GTF2IRD1: variants seen among roughly 807,000 people sequenced by gnomAD.
The protein encoded by GTF2IRD1 is GTF2I repeat domain containing 1, also known as general transcription factor II-I repeat domain-containing protein 1.
Under a neutral mutation model 113.2 loss-of-function variants are expected in GTF2IRD1, and 26 were observed. The observed-to-expected ratio is 0.23, with a 90% confidence interval of 0.17 to 0.32. The LOEUF is 0.32. GTF2IRD1 is among the 10% of genes least tolerant of loss of function. The probability of loss-of-function intolerance (pLI) is 1.00; values close to 1 mark genes in which losing one functional copy is unlikely to be tolerated. For missense variants in GTF2IRD1, 864 were observed against 1,280.8 expected (o/e 0.67, Z 4.97); for synonymous variants, 484 against 529.1 (o/e 0.91, Z 1.17).
Position 74,501,281 on chromosome 7 carries a change from G to C in GTF2IRD1, c.-6-6794G>C, listed in dbSNP as rs370472528. On this transcript the variant is annotated intron_variant, in intron 1 of 26. Coordinates refer to ENST00000424337, the MANE Select transcript of GTF2IRD1 (RefSeq NM_005685.4). ...GGAAGGGGCTTGAAGGCTGCGTTGT[G>C]GGGTGATGGGAACCCGGATTTAGTT... Among the ~76,000 whole-genome samples the C allele has an allele frequency of 3.3e-5, 5 of 152,322 alleles. No homozygotes were observed. In the South Asian group the frequency reaches 8.3e-4, roughly 25 times the overall value.
intron 9 of GTF2IRD1, among the ~76,000 whole-genome samples, chr7:74,534,461 G>T (rs1208624205): frequency 6.6e-6 from 1 of 152,188 alleles, no homozygotes; most frequent in Non-Finnish European, 1.5e-5. Context: ...AATTAGCTGG[G>T]TGTGGTTGCA....
chr7:74,518,379 G>A, intron 5 of GTF2IRD1, 57 bp downstream of exon 5: 1 of 1,423,086 alleles, frequency 7.0e-7, no homozygotes, highest in Non-Finnish European at 9.5e-7. Context: ...CCGGGTCAGG[G>A]CCGGGGGCTG....
chr7:74,560,529 T>TAAAATATTATATATAATTA (rs1307026388), intron 22 of GTF2IRD1, among the ~76,000 whole-genome samples: 1 of 146,762 alleles, frequency 6.8e-6, no homozygotes, highest in African/African-American at 2.5e-5. Context: ...TTTATATAAT[T>TAAAATATTATATATAATTA]AAAATATTAT....
chr7:74,529,644 G>T, intron 8 of GTF2IRD1, 90 bp from the exon 9 acceptor site: 3 of 1,012,496 alleles, frequency 3.0e-6, no homozygotes, highest in South Asian at 1.5e-5. Flanking sequence ...GAGTGGGGAC[G>T]GTGGGAGGTG....
chr7:74,563,469 C>T (rs1800102138), intron 22 of GTF2IRD1, among the ~76,000 whole-genome samples: 1 of 151,664 alleles, frequency 6.6e-6, no homozygotes, highest in Non-Finnish European at 1.5e-5. Context: ...CCCAGCTACT[C>T]GGGAGGCTGA....
At chr7:74,570,386 CAG>C (rs1451555419) in intron 22 of GTF2IRD1, among the ~76,000 whole-genome samples, 1 of 148,618 alleles carries the variant, frequency 6.7e-6, no homozygotes, top group African/African-American at 2.5e-5. Context: ...AAGCCAGACA[CAG>C]TGGCTCATTG....
chr7:74,521,598 C>CA (rs1484224320), intron 7 of GTF2IRD1, among the ~76,000 whole-genome samples: 16 of 151,906 alleles, frequency 1.1e-4, no homozygotes, highest in African/African-American at 3.9e-4. Flanking sequence ...GCTGTCTCTA[C>CA]AAAAAATAAG....
At chr7:74,535,663 G>A (rs141656610) in intron 10 of GTF2IRD1, among the ~76,000 whole-genome samples, 14 of 152,284 alleles carry the variant, frequency 9.2e-5, no homozygotes, top group Non-Finnish European at 1.6e-4. Context: ...ACGGTTCTTG[G>A]GGTGATCCTG....
chr7:74,540,987 C>T (rs1235038908), intron 14 of GTF2IRD1, among the ~76,000 whole-genome samples: 2 of 151,562 alleles, frequency 1.3e-5, no homozygotes, highest in East Asian at 2.0e-4. Flanking sequence ...AGGTCTCGAA[C>T]TCCTGACCTC....
chr7:74,470,953 C>T (rs782477169), intron 1 of GTF2IRD1, among the ~76,000 whole-genome samples: 2 of 152,126 alleles, frequency 1.3e-5, no homozygotes, highest in Non-Finnish European at 2.9e-5. Flanking sequence ...ACAGGCGTGC[C>T]ACCACACCTG....
At chr7:74,598,453 CA>C (rs879955129) in intron 25 of GTF2IRD1, among the ~76,000 whole-genome samples, 263 of 137,694 alleles carry the variant, frequency 1.9e-3, no homozygotes, top group Admixed American at 1.6e-3. Flanking sequence ...TACTAAAATC[CA>C]AAAAAAAAAA....
At chr7:74,559,770 G>A in intron 22 of GTF2IRD1, 115 bp downstream of exon 22, 1 of 799,322 alleles carries the variant, frequency 1.3e-6, no homozygotes, top group South Asian at 2.3e-5. Flanking sequence ...ACAGAAGCCA[G>A]GCCCCTGCCT....
chr7:74,525,797 GA>G (rs1309799025), intron 8 of GTF2IRD1, among the ~76,000 whole-genome samples: 6 of 147,062 alleles, frequency 4.1e-5, no homozygotes, highest in African/African-American at 5.0e-5. Context: ...AATTTAAAAA[GA>G]AAAAAAAAAG....
At chr7:74,523,102 G>A (rs908190517) in intron 7 of GTF2IRD1, among the ~76,000 whole-genome samples, 25 of 152,174 alleles carry the variant, frequency 1.6e-4, no homozygotes, top group African/African-American at 4.8e-4. Context: ...ACCTGTAGTC[G>A]CAGCCACTCA....
chr7:74,577,192 C>T (rs1583937382), intron 22 of GTF2IRD1, among the ~76,000 whole-genome samples: 1 of 152,272 alleles, frequency 6.6e-6, no homozygotes, highest in Middle Eastern at 3.4e-3. Context: ...CGTGCACCAC[C>T]TATCCCAGCT....
At chr7:74,585,408 C>T (rs1329959501) in intron 22 of GTF2IRD1, among the ~76,000 whole-genome samples, 6 of 152,028 alleles carry the variant, frequency 3.9e-5, no homozygotes, top group East Asian at 3.9e-4. Context: ...TCACCGTGCC[C>T]GGTCTGGGCC....
In GTF2IRD1 at chr7:74,555,234, C is replaced by T. The variant is rs2301894; in HGVS notation, c.1966+11C>T. Reference sequence around the variant, plus strand: ...TCATGGATAGTCAAGGTACCCAGCGCGGGGTCGGGAGCCATGGTGTGGGCG... The same window carrying T: ...TCATGGATAGTCAAGGTACCCAGCGTGGGGTCGGGAGCCATGGTGTGGGCG... On this transcript the variant is annotated intron_variant, in intron 18 of 26. Transcript: ENST00000424337. The surrounding 1 kb of genome is among the most constrained non-coding windows in gnomAD (Gnocchi z 5.3). The T allele has an allele frequency of 0.017, 27,749 of 1,612,206 alleles. 3,248 individuals are homozygous for T. In the East Asian group the frequency reaches 0.34, roughly 20 times the overall value.
chr7:74,538,829 C>T (rs1202475011), intron 13 of GTF2IRD1, 69 bp downstream of exon 13: 5 of 860,962 alleles, frequency 5.8e-6, no homozygotes, highest in Non-Finnish European at 9.7e-6. Context: ...TGAGGGTCTG[C>T]CCTGGTGAAG....
At chr7:74,478,903 A>G (rs1794578065) in intron 1 of GTF2IRD1, among the ~76,000 whole-genome samples, 1 of 147,912 alleles carries the variant, frequency 6.8e-6, no homozygotes, top group South Asian at 2.1e-4. Flanking sequence ...ATGCTATCAC[A>G]CTAGGCTAAT....
Sources: allele counts gnomAD v4.1 joint callset (sites outside exome capture counted in the v4.1 genomes callset), GRCh38; gene constraint gnomAD v4.1.1; non-coding constraint Gnocchi (gnomAD v3.1); transcripts MANE v1.5; gene names NCBI Gene and HGNC (gene_info 2026-07-23, HGNC 2026-07-21).